DRC8: variants seen among roughly 807,000 people sequenced by gnomAD.
DRC8 encodes the protein dynein regulatory complex protein 8.
the DRC8 span, among the ~76,000 whole-genome samples, chr1:244,998,863 T>G: frequency 0.049 from 7,424 of 152,174 alleles, 270 homozygotes; most frequent in Non-Finnish European, 0.077. Flanking sequence ...TATTACCTGC[T>G]TAGGATTCAA....
chr1:245,075,104 A>G, the DRC8 span, among the ~76,000 whole-genome samples: 4 of 152,160 alleles, frequency 2.6e-5, no homozygotes, highest in African/African-American at 9.6e-5. Flanking sequence ...GGAGAAAGGA[A>G]TTTTCACGGT....
At chr1:245,041,881 C>T in the DRC8 span, among the ~76,000 whole-genome samples, 3 of 152,152 alleles carry the variant, frequency 2.0e-5, no homozygotes, top group African/African-American at 4.8e-5. Flanking sequence ...GAGGAAGGCC[C>T]CAGAAGCAGC....
chr1:245,013,510 G>A, the DRC8 span, among the ~76,000 whole-genome samples: 1 of 152,124 alleles, frequency 6.6e-6, no homozygotes, highest in African/African-American at 2.4e-5. Context: ...ATATACAAAG[G>A]TGAATTGGGC....
At chr1:245,082,770 T>C in the DRC8 span, among the ~76,000 whole-genome samples, 2 of 152,164 alleles carry the variant, frequency 1.3e-5, no homozygotes, top group Non-Finnish European at 2.9e-5. Context: ...AGTGGCACCA[T>C]CTTGGCTCAC....
the DRC8 span, among the ~76,000 whole-genome samples, chr1:245,062,336 C>G: frequency 6.6e-6 from 1 of 152,178 alleles, no homozygotes; most frequent in Non-Finnish European, 1.5e-5. Flanking sequence ...CTATAAATAG[C>G]AACTTCCTGC....
the DRC8 span, among the ~76,000 whole-genome samples, chr1:245,050,325 CCTGACCTCAGGTGAT>C: frequency 1.1e-4 from 16 of 152,014 alleles, no homozygotes; most frequent in Admixed American, 5.2e-4. Flanking sequence ...GTCTCGAACT[CCTGACCTCAGGTGAT>C]CTGCCCACCT....
At chr1:245,059,205 A>T in the DRC8 span, among the ~76,000 whole-genome samples, 52,062 of 151,834 alleles carry the variant, frequency 0.34, 9,195 homozygotes, top group Non-Finnish European at 0.4. Flanking sequence ...CATTTCTTTC[A>T]TCTTTCTTTG....
At chr1:245,075,770 T>C in the DRC8 span, among the ~76,000 whole-genome samples, 1 of 152,240 alleles carries the variant, frequency 6.6e-6, no homozygotes, top group Non-Finnish European at 1.5e-5. Flanking sequence ...GCCCTTCCCA[T>C]AGAAGAAACA....
At chr1:245,086,404 T>C in the DRC8 span, among the ~76,000 whole-genome samples, 1 of 152,208 alleles carries the variant, frequency 6.6e-6, no homozygotes, top group East Asian at 1.9e-4. Flanking sequence ...TTTAAGTACA[T>C]TTATGCTATA....
At chr1:244,991,974 T>C in the DRC8 span, among the ~76,000 whole-genome samples, 1 of 152,234 alleles carries the variant, frequency 6.6e-6, no homozygotes, top group African/African-American at 2.4e-5. Flanking sequence ...TTTGTGAGTA[T>C]GTGTTTTAAA....
the DRC8 span, chr1:245,017,281 C>T: frequency 1.9e-6 from 3 of 1,609,078 alleles, no homozygotes; most frequent in Admixed American, 3.4e-5. Flanking sequence ...ATCAAAGAGG[C>T]ATTTGAAGTC....
At chr1:245,102,462 G>A in the DRC8 span, among the ~76,000 whole-genome samples, 3 of 152,074 alleles carry the variant, frequency 2.0e-5, no homozygotes, top group Non-Finnish European at 2.9e-5. Flanking sequence ...CGATCCTCCT[G>A]CCTCAGCCTC....
the DRC8 span, among the ~76,000 whole-genome samples, chr1:245,000,099 G>A: frequency 2.0e-5 from 3 of 152,190 alleles, no homozygotes; most frequent in South Asian, 2.1e-4. Context: ...GATTACAGGC[G>A]TGAGCCACCA....
the DRC8 span, among the ~76,000 whole-genome samples, chr1:244,990,613 T>TTGGGAG: frequency 6.6e-6 from 1 of 152,212 alleles, no homozygotes; most frequent in Admixed American, 6.5e-5. Flanking sequence ...CGCTGGCTCC[T>TTGGGAG]ATGTCACTAT....
the DRC8 span, among the ~76,000 whole-genome samples, chr1:245,093,169 G>C: frequency 1.3e-5 from 2 of 151,972 alleles, no homozygotes; most frequent in African/African-American, 2.4e-5. Flanking sequence ...GAGAACGTGC[G>C]CATACCTGGG....
chr1:245,069,752 T>A, the DRC8 span, among the ~76,000 whole-genome samples: 1 of 152,128 alleles, frequency 6.6e-6, no homozygotes, highest in Admixed American at 6.5e-5. Flanking sequence ...TTAAAAATGG[T>A]GAAGATGGGC....
At chr1:245,111,035 G>C in the DRC8 span, among the ~76,000 whole-genome samples, 1 of 152,114 alleles carries the variant, frequency 6.6e-6, no homozygotes, top group Non-Finnish European at 1.5e-5. Flanking sequence ...AACTACATGT[G>C]CATGTTTATG....
the DRC8 span, among the ~76,000 whole-genome samples, chr1:244,998,596 A>G: frequency 1.3e-5 from 2 of 152,174 alleles, no homozygotes; most frequent in African/African-American, 4.8e-5. Flanking sequence ...AGTCAAACAA[A>G]TGGCTAATAT....
At chr1:245,034,860 G>GTTT in the DRC8 span, among the ~76,000 whole-genome samples, 28 of 136,318 alleles carry the variant, frequency 2.1e-4, no homozygotes, top group East Asian at 3.0e-3. Flanking sequence ...ATAAATGAAA[G>GTTT]TTTTTTTTTT....
Sources: allele counts gnomAD v4.1 joint callset (sites outside exome capture counted in the v4.1 genomes callset), GRCh38; gene constraint gnomAD v4.1.1; transcripts MANE v1.5; gene names NCBI Gene and HGNC (gene_info 2026-07-23, HGNC 2026-07-21).